NDST4: variants seen among roughly 807,000 people sequenced by gnomAD.
NDST4 encodes N-deacetylase and N-sulfotransferase 4, also known as N-heparan sulfate sulfotransferase 4.
Under a neutral mutation model 100.8 loss-of-function variants are expected in NDST4, and 63 were observed. That is an observed-to-expected ratio of 0.62 (90% CI 0.51 to 0.77). The LOEUF (loss-of-function observed/expected upper bound fraction) is 0.77, where lower values mean the gene tolerates loss of function less well. Ranked by LOEUF, NDST4 falls within the 30% of genes least tolerant of loss-of-function variation. The pLI is 0.00. For synonymous variants in NDST4, 377 were observed against 361.8 expected (o/e 1.04, Z -0.48); for missense variants, 943 against 1,018.4 (o/e 0.93, Z 1.01).
intron 6 of NDST4, among the ~76,000 whole-genome samples, chr4:114,898,175 T>C (rs1328197259): frequency 6.6e-6 from 1 of 152,190 alleles, no homozygotes; most frequent in Non-Finnish European, 1.5e-5. Context: ...TCTAGGAGTT[T>C]TATAGTTTTA....
At chr4:114,867,793 C>T (rs965819557) in intron 7 of NDST4, among the ~76,000 whole-genome samples, 10 of 151,210 alleles carry the variant, frequency 6.6e-5, no homozygotes, top group Non-Finnish European at 1.3e-4. Context: ...GTCTTACACA[C>T]TAAGGACTAA....
chr4:115,074,463 A>G (rs565020194), intron 2 of NDST4, among the ~76,000 whole-genome samples: 6 of 152,190 alleles, frequency 3.9e-5, no homozygotes, highest in Admixed American at 3.9e-4. Flanking sequence ...TTTCAAAAAT[A>G]AAAAGAAAAC....
At chr4:114,947,002 A>C (rs1216766584) in intron 4 of NDST4, among the ~76,000 whole-genome samples, 1 of 152,080 alleles carries the variant, frequency 6.6e-6, no homozygotes, top group East Asian at 1.9e-4. Context: ...TTGAAATAAG[A>C]AACAAGATTA....
chr4:114,873,194 C>T (rs751841558), intron 6 of NDST4, among the ~76,000 whole-genome samples: 108 of 151,520 alleles, frequency 7.1e-4, no homozygotes, highest in Non-Finnish European at 1.4e-3. Context: ...ATTTTTTATC[C>T]TTGGAGTATA....
intron 5 of NDST4, among the ~76,000 whole-genome samples, chr4:114,936,695 G>T (rs1464352722): frequency 1.3e-5 from 2 of 151,756 alleles, no homozygotes; most frequent in Non-Finnish European, 2.9e-5. Flanking sequence ...AAATCCAATT[G>T]GTTTTATTCT....
chr4:114,914,359 G>T (rs1036975070), intron 6 of NDST4, among the ~76,000 whole-genome samples: 1 of 151,894 alleles, frequency 6.6e-6, no homozygotes, highest in African/African-American at 2.4e-5. Flanking sequence ...ATAAATGAGA[G>T]GACAGATACC....
chr4:114,851,707 T>G (rs1723679174), intron 8 of NDST4, among the ~76,000 whole-genome samples: 1 of 152,162 alleles, frequency 6.6e-6, no homozygotes, highest in African/African-American at 2.4e-5. Flanking sequence ...TAATGTACAT[T>G]TTAAACAACA....
chr4:114,923,784 G>A (rs1165408089), intron 6 of NDST4, among the ~76,000 whole-genome samples: 1 of 151,888 alleles, frequency 6.6e-6, no homozygotes, highest in African/African-American at 2.4e-5. Flanking sequence ...AGGAGGTTGT[G>A]CTTTTGCTGT....
intron 6 of NDST4, among the ~76,000 whole-genome samples, chr4:114,883,514 C>T (rs1378435256): frequency 6.6e-6 from 1 of 151,924 alleles, no homozygotes; most frequent in South Asian, 2.1e-4. Flanking sequence ...TCAATTAAAA[C>T]CTGAAATGTC....
At chr4:115,041,684 A>G (rs567547447) in intron 2 of NDST4, among the ~76,000 whole-genome samples, 100 of 152,194 alleles carry the variant, frequency 6.6e-4, no homozygotes, top group African/African-American at 2.4e-3. Flanking sequence ...CATTCCAAGA[A>G]TGTTACTGAT....
intron 2 of NDST4, among the ~76,000 whole-genome samples, chr4:114,982,860 G>T (rs114102056): frequency 3.3e-5 from 5 of 152,142 alleles, no homozygotes; most frequent in African/African-American, 1.2e-4. Flanking sequence ...TCATGGCCCA[G>T]CTTCTCTGTG....
intron 6 of NDST4, among the ~76,000 whole-genome samples, chr4:114,931,258 T>G (rs890687884): frequency 2.0e-5 from 3 of 151,768 alleles, no homozygotes; most frequent in Non-Finnish European, 4.4e-5. Flanking sequence ...TATGTGGTTT[T>G]CTTGACTACC....
At position 114,848,233 on chromosome 4, in the gene NDST4, T is replaced by G; in HGVS notation, c.1922A>C (p.Tyr641Ser). The G allele has an allele frequency of 6.2e-7, 1 of 1,608,404 alleles. No homozygotes were observed. Among genetic ancestry groups the G allele is most frequent in the Non-Finnish European group, 8.5e-7 (1 of 1,178,330 alleles). Residue 641 changes from tyrosine (Y) to serine (S), a missense_variant, in exon 9 of 14, where the codon TAT becomes TCT. This residue lies in a region of NDST4 where 526 missense variants were observed against 634.1 expected (regional missense o/e 0.83). Coordinates refer to ENST00000264363, the MANE Select transcript of NDST4 (RefSeq NM_022569.3). ...TTCTTACCAGTCTATTCCTTTGTGA[T>G]AGTTGTTGCCATTAAAGAACTGAAC... ...EEVQFFNGNN[Y>S]HKGIDWYMDF... is the part of the protein sequence containing the mutation.
chr4:114,929,039 T>C (rs898521247), intron 6 of NDST4, among the ~76,000 whole-genome samples: 19 of 138,020 alleles, frequency 1.4e-4, no homozygotes, highest in Non-Finnish European at 2.7e-4. Flanking sequence ...TGTCTGTCTG[T>C]CTGTCCGTCC....
chr4:114,904,733 G>T (rs1017141283), intron 6 of NDST4, among the ~76,000 whole-genome samples: 4 of 151,760 alleles, frequency 2.6e-5, no homozygotes, highest in Admixed American at 2.0e-4. Flanking sequence ...GGTATCAATT[G>T]TTAATAGCAA....
intron 6 of NDST4, among the ~76,000 whole-genome samples, chr4:114,910,445 G>A (rs1306594627): frequency 4.6e-5 from 7 of 152,154 alleles, no homozygotes; most frequent in Non-Finnish European, 7.4e-5. Flanking sequence ...GTGTCTGTGT[G>A]TATAACAGTA....
intron 2 of NDST4, among the ~76,000 whole-genome samples, chr4:115,008,584 T>G (rs2126259258): frequency 7.7e-6 from 1 of 129,420 alleles, no homozygotes; most frequent in Non-Finnish European, 1.7e-5. Context: ...AATATCATAC[T>G]GAATGGGCAA....
chr4:115,093,686 C>A (rs972463483), intron 1 of NDST4, among the ~76,000 whole-genome samples: 1 of 151,936 alleles, frequency 6.6e-6, no homozygotes, highest in Non-Finnish European at 1.5e-5. Flanking sequence ...GACTGTAATG[C>A]CATGTACCCA....
chr4:114,979,236 G>A (rs1298745093), intron 2 of NDST4, among the ~76,000 whole-genome samples: 9 of 151,566 alleles, frequency 5.9e-5, no homozygotes, highest in Admixed American at 5.9e-4. Flanking sequence ...TTTGTATAAA[G>A]CCTCCTCTGG....
Sources: gnomAD v4.1 joint callset for allele counts (sites outside exome capture counted in the v4.1 genomes callset) on GRCh38, gnomAD v4.1.1 for gene constraint, gnomAD v4.1.1 regional missense constraint, MANE v1.5 for transcripts, NCBI Gene and HGNC (gene_info 2026-07-23, HGNC 2026-07-21) for gene names.